Variants in TNNI3K observed in about 807,000 individuals in gnomAD.
TNNI3K encodes the protein serine/threonine-protein kinase TNNI3K.
A neutral mutation model predicts 114.5 loss-of-function variants in TNNI3K; 140 were observed. That is an observed-to-expected ratio of 1.22 (90% confidence interval 1.07 to 1.41). The LOEUF is 1.41. TNNI3K is among the 40% of genes most tolerant of loss of function. The pLI is 0.00. For synonymous variants in TNNI3K, 347 were observed against 347.5 expected, an observed-to-expected ratio of 1.00 and a Z score of 0.02; for missense variants, 1,125 against 1,007.6, an observed-to-expected ratio of 1.12 and a Z score of -1.58.
Position 74,491,885 on chromosome 1 carries a change from C to T in TNNI3K, c.2182-212C>T, listed in dbSNP as rs568509558. Among the ~76,000 whole-genome samples, 3 of 152,268 alleles carry T rather than the reference C, an allele frequency of 2.0e-5. No homozygotes were observed. The South Asian group carries it at 6.2e-4, about 32-fold the overall frequency. Reference sequence around the variant, plus strand: ...GATGAGCATAAATTTAACAGGCCAGCTCTCAGCACAGAACTGGGTCAAAAA... The same window carrying T: ...GATGAGCATAAATTTAACAGGCCAGTTCTCAGCACAGAACTGGGTCAAAAA... On this transcript the variant is annotated intron_variant, in intron 22 of 24. Coordinates refer to ENST00000326637, the MANE Select transcript of TNNI3K (RefSeq NM_015978.3).
At chr1:74,443,295 C>T (rs1048449727) in intron 20 of TNNI3K, among the ~76,000 whole-genome samples, 3 of 151,920 alleles carry the variant, frequency 2.0e-5, no homozygotes, top group East Asian at 3.9e-4. Context: ...AGAGAATAAT[C>T]AAATAGGCAT....
At chr1:74,280,905 G>C (rs1018258472) in intron 5 of TNNI3K, among the ~76,000 whole-genome samples, 9 of 152,088 alleles carry the variant, frequency 5.9e-5, no homozygotes, top group African/African-American at 2.2e-4. Context: ...AACTTGGGGA[G>C]AGACTTCTTT....
At chr1:74,248,646 T>G (rs77927244) in intron 2 of TNNI3K, among the ~76,000 whole-genome samples, 1,904 of 152,236 alleles carry the variant, frequency 0.013, 45 homozygotes, top group African/African-American at 0.043. Context: ...CTTAGAAAAT[T>G]ACACCTCAAA....
intron 9 of TNNI3K, among the ~76,000 whole-genome samples, chr1:74,351,757 A>G (rs560005174): frequency 2.2e-4 from 33 of 152,112 alleles, no homozygotes; most frequent in Non-Finnish European, 3.2e-4. Context: ...AGTTGATCGC[A>G]TCGGTTACTG....
intron 23 of TNNI3K, among the ~76,000 whole-genome samples, chr1:74,517,419 A>G (rs1048977063): frequency 2.0e-5 from 3 of 152,212 alleles, no homozygotes; most frequent in Admixed American, 6.5e-5. Context: ...CAAACCTTCA[A>G]ACACTTACTT....
At chr1:74,238,846 G>A in intron 2 of TNNI3K, among the ~76,000 whole-genome samples, 1 of 151,858 alleles carries the variant, frequency 6.6e-6, no homozygotes, top group South Asian at 2.1e-4. Context: ...AAGAACTAGG[G>A]GCCTCTTATG....
rs371960561 is a variant in TNNI3K at position 74,355,633 on chromosome 1, G to A, written c.1177+1504G>A. On this transcript the variant is annotated intron_variant, in intron 11 of 24. Transcript: ENST00000326637. ...TAAATAAATAAATAAATAAATAAAT[G>A]AATAAATAAATAAAGTGGGATATGA... Among the ~76,000 whole-genome samples the A allele has an allele frequency of 8.1e-3, 1,186 of 147,082 alleles. 4 individuals are homozygous for A. Among genetic ancestry groups the A allele is most frequent in the Admixed American group, 0.011 (171 of 15,028 alleles).
At chr1:74,487,441 G>C (rs1668823290) in intron 21 of TNNI3K, among the ~76,000 whole-genome samples, 1 of 152,176 alleles carries the variant, frequency 6.6e-6, no homozygotes, top group Non-Finnish European at 1.5e-5. Flanking sequence ...TAGGCTCTCT[G>C]AATAGTACTG....
At chr1:74,497,007 T>A (rs1184960787) in intron 23 of TNNI3K, among the ~76,000 whole-genome samples, 2 of 152,192 alleles carry the variant, frequency 1.3e-5, no homozygotes, top group East Asian at 1.9e-4. Flanking sequence ...AGTTTGGAAC[T>A]GTAAAACAGA....
intron 17 of TNNI3K, among the ~76,000 whole-genome samples, chr1:74,420,195 T>C (rs1451135983): frequency 1.3e-5 from 2 of 152,138 alleles, no homozygotes; most frequent in Non-Finnish European, 2.9e-5. Flanking sequence ...AAAAATTAAC[T>C]AGAAGAAGTT....
intron 23 of TNNI3K, among the ~76,000 whole-genome samples, chr1:74,534,454 G>T (rs888164618): frequency 6.6e-6 from 1 of 152,064 alleles, no homozygotes; most frequent in Admixed American, 6.6e-5. Flanking sequence ...ATGATTCATT[G>T]CTCCAATACC....
intron 5 of TNNI3K, among the ~76,000 whole-genome samples, chr1:74,312,771 T>C (rs903606134): frequency 2.6e-5 from 4 of 152,232 alleles, no homozygotes; most frequent in African/African-American, 9.6e-5. Context: ...TCTCTTCTTT[T>C]CACTAGCTAC....
chr1:74,340,016 T>C (rs1470377923), intron 7 of TNNI3K, among the ~76,000 whole-genome samples: 1 of 152,154 alleles, frequency 6.6e-6, no homozygotes, highest in Non-Finnish European at 1.5e-5. Context: ...GGAAGTGTTT[T>C]ATTTTTTGAA....
rs567730574 is a variant in TNNI3K at position 74,380,412 on chromosome 1, A to G, written c.1772+10020A>G. ...ACTCTGCAGCCTCTTTCCTTAATAC[A>G]ACACTCACACGGTGCGAATGCTCAA... On this transcript the variant is annotated intron_variant, in intron 17 of 24. Coordinates refer to ENST00000326637, the MANE Select transcript of TNNI3K (RefSeq NM_015978.3). 4.6e-5 allele frequency among the ~76,000 whole-genome samples: 7 copies of G among 152,244 alleles called. No individual in the cohort carries two copies. The East Asian group carries it at 1.4e-3, about 30-fold the overall frequency.
intron 20 of TNNI3K, among the ~76,000 whole-genome samples, chr1:74,449,388 A>G (rs955784758): frequency 6.6e-6 from 1 of 151,186 alleles, no homozygotes; most frequent in Admixed American, 6.6e-5. Flanking sequence ...CGGTCTATCA[A>G]TTTTGTTGAT....
intron 12 of TNNI3K, among the ~76,000 whole-genome samples, 178 bp downstream of exon 12, chr1:74,367,520 A>T (rs1662339646): frequency 6.6e-6 from 1 of 151,914 alleles, no homozygotes; most frequent in Admixed American, 6.6e-5. Context: ...AGAAGCCTCC[A>T]TTTCAGCTAT....
chr1:74,497,624 CCA>C (rs1192478656), intron 23 of TNNI3K, among the ~76,000 whole-genome samples: 10 of 151,378 alleles, frequency 6.6e-5, no homozygotes, highest in Admixed American at 5.9e-4. Context: ...ATACATTCCT[CCA>C]CACACACAAT....
intron 9 of TNNI3K, among the ~76,000 whole-genome samples, chr1:74,344,934 G>A (rs1334697891): frequency 6.6e-6 from 1 of 152,038 alleles, no homozygotes; most frequent in Admixed American, 6.6e-5. Flanking sequence ...TTTGCACAGA[G>A]TAAGCACTCA....
chr1:74,270,008 T>A (rs571263653), intron 4 of TNNI3K, among the ~76,000 whole-genome samples: 2 of 151,906 alleles, frequency 1.3e-5, no homozygotes, highest in South Asian at 4.1e-4. Flanking sequence ...ATAGAGAGAA[T>A]GACTACAAGG....
Sources: gnomAD v4.1 joint callset for allele counts (sites outside exome capture counted in the v4.1 genomes callset) on GRCh38, gnomAD v4.1.1 for gene constraint, MANE v1.5 for transcripts, NCBI Gene and HGNC (gene_info 2026-07-23, HGNC 2026-07-21) for gene names.